The following BAG5 variants were observed in gnomAD, a reference collection of about 807,000 sequenced individuals.
The protein encoded by BAG5 is BAG family molecular chaperone regulator 5.
BAG5 carries 25 observed loss-of-function variants against 31.8 expected under a neutral mutation model. The ratio of observed to expected loss-of-function variants is 0.79; its 90% CI spans 0.57 to 1.10. The LOEUF is 1.10. Ranked by LOEUF, BAG5 falls within the 50% of genes least tolerant of loss-of-function variation. The pLI, the probability that BAG5 is intolerant of heterozygous loss-of-function variation, is 0.00. For synonymous variants in BAG5, 208 were observed against 205.0 expected (o/e 1.01, Z -0.13); for missense variants, 491 against 527.9 (o/e 0.93, Z 0.68).
intron 1 of BAG5, chr14:103,561,887 T>C (rs560447314): frequency 1.3e-6 from 2 of 1,530,262 alleles, no homozygotes; most frequent in African/African-American, 2.7e-5. Context: ...GAAAACGTGG[T>C]AACTATGAAT....
chr14:103,562,066 C>T, intron 1 of BAG5: 2 of 1,116,912 alleles, frequency 1.8e-6, no homozygotes, highest in South Asian at 1.2e-5. Context: ...GAGCTGCTTC[C>T]TCCCCGCCTC....
In BAG5 at chr14:103,561,078, G is replaced by A. The variant is rs765798610; in HGVS notation, c.87C>T (p.Gly29=). The part of the protein sequence containing the change: ...EVKSVEQQVI[G]FSGLSDDKNY... ...TCTTGTCATCTGACAGACCACTGAA[G>A]CCGATAACTTGCTGTTCTACACTTT... The change falls in exon 2 of 2, where the codon GGC becomes GGT. Residue 29 remains glycine (G), a synonymous_variant. Coordinates refer to ENST00000299204, the MANE Select transcript of BAG5 (RefSeq NM_001015048.3). 1.2e-6 allele frequency: 2 copies of A among 1,610,632 alleles called. No individual in the cohort carries two copies. Among genetic ancestry groups the A allele is most frequent in the Non-Finnish European group, 8.5e-7 (1 of 1,179,972 alleles).
In BAG5 at chr14:103,559,573, C is replaced by T. The variant is rs566205967; in HGVS notation, c.*248G>A. 5.1e-5 allele frequency: 21 copies of T among 412,778 alleles called. No individual in the cohort carries two copies. Among genetic ancestry groups the T allele is most frequent in the African/African-American group, 2.4e-4 (12 of 49,518 alleles). 25.6% of individuals were successfully genotyped at this position (412,778 alleles called of 1,614,324 possible). A position where few individuals can be genotyped will look rare whatever the true frequency, so the allele number is the denominator to read the frequency against. On this transcript the variant is annotated 3_prime_UTR_variant, in exon 2 of 2. Transcript: ENST00000299204. ...CTCTATTTTGTTTTCTGATTAAAAA[C>T]GCAAAAAAAAGGACAAACCAAACAA...
At chr14:103,562,019 G>A (rs758288211) in intron 1 of BAG5, 6 of 1,600,292 alleles carry the variant, frequency 3.7e-6, no homozygotes, top group Admixed American at 3.3e-5. Flanking sequence ...ATCTATCCCC[G>A]GCGGATGTCC....
chr14:103,561,754 T>G (rs1380689584), intron 1 of BAG5: 1 of 615,328 alleles, frequency 1.6e-6, no homozygotes, highest in Non-Finnish European at 2.9e-6. Flanking sequence ...CTGAAGAGAT[T>G]AAAACCCCAC....
intron 1 of BAG5, chr14:103,562,288 C>A: frequency 4.7e-6 from 2 of 429,484 alleles, no homozygotes; most frequent in South Asian, 2.5e-5. Context: ...CCGCTCCGGG[C>A]GTCTTGGCCC....
chr14:103,561,704 C>A lies in BAG5; in HGVS notation c.-28-512G>T, dbSNP rs116169047. 3.5e-3 allele frequency: 1,951 copies of A among 556,322 alleles called. 31 individuals carry two copies. Among genetic ancestry groups the A allele is most frequent in the African/African-American group, 0.034 (1,784 of 52,966 alleles). 34.5% of individuals were successfully genotyped at this position (556,322 alleles called of 1,614,324 possible). On this transcript the variant is annotated intron_variant, in intron 1 of 1. Coordinates refer to ENST00000299204, the MANE Select transcript of BAG5 (RefSeq NM_001015048.3). ...CCCTTTGTGCACTTCCCCTCCCCAC[C>A]CTTTTAGCTCCTCACACATCTTCCC...
chr14:103,561,239 CA>C, intron 1 of BAG5, 47 bp from the exon 2 acceptor site: 1 of 1,509,214 alleles, frequency 6.6e-7, no homozygotes, highest in Non-Finnish European at 8.9e-7. Flanking sequence ...AAGGCTTCTG[CA>C]GAACACTAAT....
In BAG5 at chr14:103,560,291, C is replaced by A; in HGVS notation, c.874G>T (p.Glu292Ter). ...VLKRMREIKNELLQAQNPSEL... is the reference protein window; with the variant it reads ...VLKRMREIKN Reference sequence around the variant, plus strand: ...GAAGGGTTTTGTGCTTGGAGAAGTTCATTTTTTATTTCTCTCATTCTCTTG... The same window carrying A: ...GAAGGGTTTTGTGCTTGGAGAAGTTAATTTTTTATTTCTCTCATTCTCTTG... The change falls in exon 2 of 2, where the codon GAA (glutamate) becomes TAA (stop). Residue 292 changes from glutamate to a stop codon, truncating the protein, a stop_gained. Coordinates refer to ENST00000299204, the MANE Select transcript of BAG5 (RefSeq NM_001015048.3). LOFTEE classifies it high-confidence loss of function. 1.2e-6 allele frequency: 2 copies of A among 1,614,082 alleles called. No homozygotes were observed. Among genetic ancestry groups the A allele is most frequent in the South Asian group, 1.1e-5 (1 of 91,068 alleles).
chr14:103,559,627 C>T lies in BAG5; in HGVS notation c.*194G>A, dbSNP rs1566972275. 3.0e-6 allele frequency: 2 copies of T among 662,860 alleles called. No homozygotes were observed. The highest frequency in any genetic ancestry group is 4.9e-6 in the Non-Finnish European group (2 of 409,822). 41.1% of individuals were successfully genotyped at this position (662,860 alleles called of 1,614,324 possible). A position where few individuals can be genotyped will look rare whatever the true frequency, so the allele number is the denominator to read the frequency against. ...ACACCACATCATACAGATAATGATC[C>T]GAATGGAAAAGTTAACGTGCTGTAA... is the stretch of plus-strand genomic sequence containing the variant. On this transcript the variant is annotated 3_prime_UTR_variant, in exon 2 of 2. Coordinates refer to ENST00000299204, the MANE Select transcript of BAG5 (RefSeq NM_001015048.3).
In BAG5 at chr14:103,559,996, C is replaced by T. The variant is rs907811296; in HGVS notation, c.1169G>A (p.Arg390Gln). The change falls in exon 2 of 2, where the codon CGA becomes CAA. Residue 390 changes from arginine to glutamine, a missense_variant. Physicochemically the swap from Arg to Gln is conservative, Grantham distance 43 (BLOSUM62 1). Coordinates refer to ENST00000299204, the MANE Select transcript of BAG5 (RefSeq NM_001015048.3). ...CAGCCGGATGTAGTTCTTATCGGTT[C>T]GATTTCCATCAAATGAAAGAACTTC... ...QGEVLSFDGNRTDKNYIRLEE... is the reference protein window; with the variant it reads ...QGEVLSFDGNQTDKNYIRLEE... The T allele has an allele frequency of 1.9e-6, 3 of 1,614,200 alleles. No homozygotes were observed. The highest frequency in any genetic ancestry group is 2.5e-6 in the Non-Finnish European group (3 of 1,180,042).
rs146938781 is a variant in BAG5, at chr14:103,560,748, A to G, written c.417T>C (p.Thr139=). 844 of 1,614,032 alleles carry G rather than the reference A, an allele frequency of 5.2e-4. 7 individuals are homozygous for G. In the African/African-American group the frequency reaches 0.01, roughly 19 times the overall value. The change falls in exon 2 of 2, where the codon ACT becomes ACC. Residue 139 remains threonine (T), a synonymous_variant. Transcript: ENST00000299204. ...CTTTCCGCAAGGAGATTTTTCCTCCAGTTTTAACATGTGTCAGCCTCAGAA... is the reference window on the plus strand; with the variant it reads ...CTTTCCGCAAGGAGATTTTTCCTCCGGTTTTAACATGTGTCAGCCTCAGAA... ...DIILRLTHVK[T]GGKISLRKAR...
chr14:103,561,756 A>T, intron 1 of BAG5: 1 of 619,136 alleles, frequency 1.6e-6, no homozygotes, highest in Non-Finnish European at 2.9e-6. Context: ...GAAGAGATTA[A>T]AACCCCACAG....
At position 103,559,829 on chromosome 14, in the gene BAG5, C is replaced by T. The variant is rs1362232442; in HGVS notation, c.1336G>A (p.Glu446Lys). Reference protein sequence around the residue: ...SYLDLKSDEWEY With the variant: ...SYLDLKSDEWKY ...GTGAGATCTCTGGTATTTCAGTACT[C>T]CCATTCATCAGATTTCAGGTCGAGA... The change falls in exon 2 of 2, where the codon GAG becomes AAG. Residue 446 changes from glutamate (E) to lysine (K), a missense_variant. Glu to Lys is a moderately conservative substitution (Grantham distance 56). Transcript: ENST00000299204. 1 of 1,611,624 alleles carries T rather than the reference C, an allele frequency of 6.2e-7. No homozygotes were observed. Among genetic ancestry groups the T allele is most frequent in the Non-Finnish European group, 8.5e-7 (1 of 1,178,272 alleles).
chr14:103,562,318 C>CA, intron 1 of BAG5: 1 of 379,792 alleles, frequency 2.6e-6, no homozygotes, highest in Non-Finnish European at 4.9e-6. Context: ...GGCGCGCCTG[C>CA]AGGACGTGAC....
rs957843174 is a variant in BAG5 at position 103,558,203 on chromosome 14, G to C, written c.*1618C>G. ...CTGACCCCACCGTCCAGCGATTCTA[G>C]AACATTTCTAGTAGGAAAGACATAG... On this transcript the variant is annotated 3_prime_UTR_variant, in exon 2 of 2. Coordinates refer to ENST00000299204, the MANE Select transcript of BAG5 (RefSeq NM_001015048.3). The C allele has an allele frequency of 2.6e-5, 4 of 152,250 alleles. No individual in the cohort carries two copies. In the South Asian group the frequency reaches 8.3e-4, roughly 32 times the overall value. The allele number at this position is 152,250 out of a possible 1,614,324, so 9.4% of individuals were successfully genotyped here. A position where few individuals can be genotyped will look rare whatever the true frequency, so the allele number is the denominator to read the frequency against.
intron 1 of BAG5, chr14:103,562,028 C>G (rs964555022): frequency 6.4e-6 from 10 of 1,571,962 alleles, no homozygotes; most frequent in Non-Finnish European, 7.9e-6. Context: ...CGGCGGATGT[C>G]CTGGAGGCCA....
chr14:103,560,859 C>G lies in BAG5; in HGVS notation c.306G>C (p.Gln102His), dbSNP rs750671414. Residue 102 changes from glutamine (Q) to histidine (H), a missense_variant, in exon 2 of 2, where the codon CAG (glutamine) becomes CAC (histidine). Coordinates refer to ENST00000299204, the MANE Select transcript of BAG5 (RefSeq NM_001015048.3). ...GCACAATTTTCTCTCTCACGAGGGA[C>G]TGGGCTTCCTCAAAAATGTTCTGTA... ...IEIQNIFEEAQSLVREKIVPF... is the reference protein window; with the variant it reads ...IEIQNIFEEAHSLVREKIVPF... The G allele has an allele frequency of 6.2e-7, 1 of 1,614,080 alleles. No individual in the cohort carries two copies. The highest frequency in any genetic ancestry group is 1.1e-5 in the South Asian group (1 of 91,076).
chr14:103,560,231 C>G lies in BAG5; in HGVS notation c.934G>C (p.Gly312Arg), dbSNP rs983432806. The G allele has an allele frequency of 3.1e-6, 5 of 1,613,940 alleles. No individual in the cohort carries two copies. The African/African-American group carries it at 6.7e-5, about 22-fold the overall frequency. ...ACCTCATCCAACTGTCCAATTAAAC[C>G]CTGCAATTCTGTTTTGGAGCTCAGG... The part of the protein sequence containing the change: ...LYLSSKTELQ[G>R]LIGQLDEVSL... Residue 312 changes from glycine (G) to arginine (R), a missense_variant, in exon 2 of 2, where the codon GGT (glycine) becomes CGT (arginine). Transcript: ENST00000299204.
Sources: gnomAD v4.1 joint callset for allele counts on GRCh38, gnomAD v4.1.1 for gene constraint, MANE v1.5 for transcripts, NCBI Gene and HGNC (gene_info 2026-07-23, HGNC 2026-07-21) for gene names.